Variants in CSDC2 observed in about 807,000 individuals in gnomAD.
CSDC2 encodes cold shock domain-containing protein C2.
Under a neutral mutation model 15.8 loss-of-function variants are expected in CSDC2, and 8 were observed. The observed-to-expected ratio is 0.51, with a 90% CI of 0.30 to 0.92. The LOEUF (loss-of-function observed/expected upper bound fraction) is 0.92, where lower values mean the gene tolerates loss of function less well. Ranked by LOEUF, CSDC2 falls within the 40% of genes least tolerant of loss-of-function variation. CSDC2 has a pLI of 0.07. For synonymous variants in CSDC2, 96 were observed against 92.3 expected (o/e 1.04, Z -0.23); for missense variants, 195 against 213.3 (o/e 0.91, Z 0.53).
intron 1 of CSDC2, among the ~76,000 whole-genome samples, chr22:41,565,564 G>A (rs2067110102): frequency 6.6e-6 from 1 of 151,458 alleles, no homozygotes; most frequent in African/African-American, 2.4e-5. Context: ...ACTGCACTCC[G>A]GCCTGGGTGA....
At chr22:41,565,258 T>C (rs1309540948) in intron 1 of CSDC2, among the ~76,000 whole-genome samples, 1 of 151,790 alleles carries the variant, frequency 6.6e-6, no homozygotes. Context: ...GAGACCAGCC[T>C]GGCCAACATG....
chr22:41,572,587 C>T (rs1254430209), intron 2 of CSDC2, among the ~76,000 whole-genome samples: 1 of 152,134 alleles, frequency 6.6e-6, no homozygotes, highest in African/African-American at 2.4e-5. Context: ...AAGCTGCTTA[C>T]AATCCAGAGG....
intron 2 of CSDC2, among the ~76,000 whole-genome samples, chr22:41,572,820 G>A (rs1018280398): frequency 6.6e-6 from 1 of 152,206 alleles, no homozygotes; most frequent in Non-Finnish European, 1.5e-5. Flanking sequence ...TGGGCCTTTG[G>A]GGTAGGTCAC....
intron 1 of CSDC2, among the ~76,000 whole-genome samples, chr22:41,566,060 T>C (rs557229690): frequency 6.6e-6 from 1 of 151,296 alleles, no homozygotes; most frequent in South Asian, 2.1e-4. Flanking sequence ...ATCCCAGCAC[T>C]TTGGGAGGCC....
intron 1 of CSDC2, among the ~76,000 whole-genome samples, chr22:41,562,878 C>G (rs1490689814): frequency 1.3e-5 from 2 of 152,126 alleles, no homozygotes; most frequent in African/African-American, 4.8e-5. Context: ...GATTGGAGTT[C>G]AAGTTCAGAT....
At chr22:41,570,107 C>T (rs1357069759) in intron 1 of CSDC2, among the ~76,000 whole-genome samples, 12 of 152,134 alleles carry the variant, frequency 7.9e-5, no homozygotes, top group Admixed American at 7.9e-4. Flanking sequence ...TTGAAGCTTC[C>T]GTATTCTTCT....
chr22:41,568,293 T>A (rs1001273808), intron 1 of CSDC2, among the ~76,000 whole-genome samples: 5 of 150,626 alleles, frequency 3.3e-5, no homozygotes, highest in Non-Finnish European at 7.4e-5. Flanking sequence ...CCCAGCTAAT[T>A]TTTTTTTTAA....
Position 41,571,568 on chromosome 22 carries a change from C to T in CSDC2, c.-123-275C>T, listed in dbSNP as rs114270812. On this transcript the variant is annotated intron_variant, in intron 1 of 3. Coordinates refer to ENST00000306149, the MANE Select transcript of CSDC2 (RefSeq NM_014460.4). ...ACTCTGAAACAACTGACCCTTATGC[C>T]GAACCATATTCTAGACCATCACTGG... Among the ~76,000 whole-genome samples the T allele has an allele frequency of 6.0e-3, 911 of 152,226 alleles. 11 individuals carry two copies. The highest frequency in any genetic ancestry group is 0.022 in the African/African-American group (896 of 41,534).
intron 2 of CSDC2, 22 bp downstream of exon 2, chr22:41,572,163 AG>A: frequency 7.7e-7 from 1 of 1,291,692 alleles, no homozygotes; most frequent in Non-Finnish European, 9.9e-7. Flanking sequence ...CCCCTTGCCC[AG>A]GCCCCTGACC....
In CSDC2 at chr22:41,571,979, C is replaced by T. The variant is rs771313687; in HGVS notation, c.14C>T (p.Ser5Leu). 13 of 1,351,266 alleles carry T rather than the reference C, an allele frequency of 9.6e-6. No homozygotes were observed. The highest frequency in any genetic ancestry group is 4.6e-5 in the African/African-American group (3 of 65,388). The allele number at this position is 1,351,266 out of a possible 1,614,324, so 83.7% of individuals were successfully genotyped here. MTSE[S>L]TSPPVVPPLH... is the part of the protein sequence containing the mutation. Reference sequence around the variant, plus strand: ...GCTGGCCCCACCATGACTTCAGAGTCGACGTCACCCCCAGTTGTGCCCCCG... The same window carrying T: ...GCTGGCCCCACCATGACTTCAGAGTTGACGTCACCCCCAGTTGTGCCCCCG... Residue 5 changes from serine (S) to leucine (L), a missense_variant, in exon 2 of 4, where the codon TCG becomes TTG. By Grantham distance (145) the Ser-to-Leu change is moderately radical. Transcript: ENST00000306149.
intron 1 of CSDC2, among the ~76,000 whole-genome samples, chr22:41,563,843 G>A (rs989781600): frequency 1.3e-4 from 19 of 151,792 alleles, no homozygotes; most frequent in African/African-American, 3.1e-4. Context: ...AGGCTGAGGC[G>A]GGCGGATCAC....
intron 2 of CSDC2, 152 bp from the exon 3 acceptor site, chr22:41,573,503 A>G (rs554873652): frequency 7.8e-5 from 68 of 866,478 alleles, no homozygotes; most frequent in Non-Finnish European, 1.1e-4. Flanking sequence ...TGGCCTCATT[A>G]TCGTTGAATG....
chr22:41,562,768 G>T (rs1410684243), intron 1 of CSDC2, among the ~76,000 whole-genome samples: 1 of 152,144 alleles, frequency 6.6e-6, no homozygotes, highest in Non-Finnish European at 1.5e-5. Context: ...AAAATGGGAG[G>T]CTAAAAGTAG....
chr22:41,569,302 T>G (rs1478197404), intron 1 of CSDC2, among the ~76,000 whole-genome samples: 1 of 152,268 alleles, frequency 6.6e-6, no homozygotes, highest in East Asian at 1.9e-4. Context: ...ACCATAAAAT[T>G]CACCTGCTTA....
rs1286218971 is a variant in CSDC2, at chr22:41,574,919, G to A, written c.*24G>A. 3 of 1,563,136 alleles carry A rather than the reference G, an allele frequency of 1.9e-6. No homozygotes were observed. Among genetic ancestry groups the A allele is most frequent in the Non-Finnish European group, 2.6e-6 (3 of 1,154,252 alleles). On this transcript the variant is annotated 3_prime_UTR_variant, in exon 4 of 4. Transcript: ENST00000306149. ...AGGCTGAGTGGTTCACAGGCCAGCT[G>A]GCCGGGGGTTGGGGAGCCACACAGG...
intron 1 of CSDC2, among the ~76,000 whole-genome samples, chr22:41,570,719 G>A (rs1027968905): frequency 6.6e-6 from 1 of 151,708 alleles, no homozygotes; most frequent in Non-Finnish European, 1.5e-5. Flanking sequence ...CTACTTGGGA[G>A]GTTGAGGCAG....
chr22:41,572,468 C>G (rs1350701106), intron 2 of CSDC2, among the ~76,000 whole-genome samples: 1 of 149,102 alleles, frequency 6.7e-6, no homozygotes, highest in Non-Finnish European at 1.5e-5. Flanking sequence ...ATCCACCCAC[C>G]CATCCATCCG....
intron 1 of CSDC2, among the ~76,000 whole-genome samples, chr22:41,568,802 G>A (rs1269998958): frequency 6.6e-6 from 1 of 152,202 alleles, no homozygotes; most frequent in Non-Finnish European, 1.5e-5. Context: ...TGCCACCTGA[G>A]AGCCCATCAT....
chr22:41,561,699 T>C (rs563987873), intron 1 of CSDC2, among the ~76,000 whole-genome samples: 1 of 152,302 alleles, frequency 6.6e-6, no homozygotes, highest in East Asian at 1.9e-4. Context: ...GTGATGGGGA[T>C]AATTGTGTTA....
Sources: allele counts gnomAD v4.1 joint callset (sites outside exome capture counted in the v4.1 genomes callset), GRCh38; gene constraint gnomAD v4.1.1; transcripts MANE v1.5; gene names NCBI Gene and HGNC (gene_info 2026-07-23, HGNC 2026-07-21).